RBFOX1: variants seen among roughly 807,000 people sequenced by gnomAD.
RBFOX1 encodes the protein RNA binding fox-1 homolog 1.
RBFOX1 carries 8 observed loss-of-function variants against 57.7 expected under a neutral mutation model. The ratio of observed to expected loss-of-function variants is 0.14; its 90% CI spans 0.08 to 0.25. RBFOX1 has a LOEUF of 0.25. RBFOX1 is among the 10% of genes least tolerant of loss of function. The pLI, the probability that RBFOX1 is intolerant of heterozygous loss-of-function variation, is 1.00. For missense variants in RBFOX1, 611 were observed against 548.5 expected, an observed-to-expected ratio of 1.11 and a Z score of -1.14; for synonymous variants, 326 against 222.4, an observed-to-expected ratio of 1.47 and a Z score of -4.15.
At chr16:6,933,661 C>T (rs533623352) in intron 3 of RBFOX1, among the ~76,000 whole-genome samples, 1 of 152,198 alleles carries the variant, frequency 6.6e-6, no homozygotes, top group African/African-American at 2.4e-5. Flanking sequence ...TGCAGTGAGT[C>T]AAGATCGTAT....
chr16:7,328,179 G>C (rs568683540), intron 4 of RBFOX1, among the ~76,000 whole-genome samples: 1 of 152,062 alleles, frequency 6.6e-6, no homozygotes, highest in African/African-American at 2.4e-5. Flanking sequence ...TATGTTAGCT[G>C]TTAAGATCTG....
intron 2 of RBFOX1, among the ~76,000 whole-genome samples, chr16:5,579,274 C>G (rs905265901): frequency 6.6e-6 from 1 of 152,126 alleles, no homozygotes; most frequent in Non-Finnish European, 1.5e-5. Context: ...TGCAGAAACC[C>G]TCCAGGCATT....
chr16:7,604,747 G>A (rs767810192), intron 9 of RBFOX1, among the ~76,000 whole-genome samples: 1 of 152,116 alleles, frequency 6.6e-6, no homozygotes, highest in Non-Finnish European at 1.5e-5. Flanking sequence ...GAGATCATTG[G>A]CAAATTTATA....
intron 1 of RBFOX1, among the ~76,000 whole-genome samples, chr16:6,162,824 C>T (rs1382993067): frequency 6.6e-6 from 1 of 152,096 alleles, no homozygotes; most frequent in Non-Finnish European, 1.5e-5. Context: ...GCCTCCACCT[C>T]CCAGGTTCAA....
chr16:7,348,800 G>C (rs147904926), intron 4 of RBFOX1, among the ~76,000 whole-genome samples: 1 of 152,134 alleles, frequency 6.6e-6, no homozygotes, highest in Non-Finnish European at 1.5e-5. Flanking sequence ...AAATTAGCCA[G>C]GGGTGGTGGC....
chr16:7,042,737 C>A (rs1047011799), intron 3 of RBFOX1, among the ~76,000 whole-genome samples: 1 of 152,188 alleles, frequency 6.6e-6, no homozygotes, highest in South Asian at 2.1e-4. Context: ...ACCAGCCTGG[C>A]CAACATGGCA....
chr16:5,951,221 G>A (rs775728571), intron 4 of RBFOX1, among the ~76,000 whole-genome samples: 8 of 152,140 alleles, frequency 5.3e-5, no homozygotes, highest in Non-Finnish European at 8.8e-5. Flanking sequence ...ACCGAGGCAG[G>A]CAGATCACTT....
intron 2 of RBFOX1, among the ~76,000 whole-genome samples, chr16:6,572,743 A>T (rs893192058): frequency 2.6e-5 from 4 of 151,996 alleles, no homozygotes; most frequent in Non-Finnish European, 5.9e-5. Flanking sequence ...CAGGTGTGAG[A>T]TATGCACCCA....
intron 3 of RBFOX1, among the ~76,000 whole-genome samples, chr16:7,032,966 A>C (rs1239638675): frequency 6.6e-6 from 1 of 152,176 alleles, no homozygotes; most frequent in Non-Finnish European, 1.5e-5. Context: ...AGACAGTGTG[A>C]GTCAGCAGGA....
At chr16:6,066,293 CAAAAA>C (rs372412356) in intron 1 of RBFOX1, among the ~76,000 whole-genome samples, 29 of 50,386 alleles carry the variant, frequency 5.8e-4, no homozygotes, top group African/African-American at 1.7e-3. Context: ...GACTCTGTCT[CAAAAA>C]AAAAAAAAAA....
intron 1 of RBFOX1, among the ~76,000 whole-genome samples, chr16:6,255,495 G>GT (rs2097655098): frequency 6.6e-6 from 1 of 152,096 alleles, no homozygotes; most frequent in Non-Finnish European, 1.5e-5. Flanking sequence ...TGCATGCATG[G>GT]TGATTTTGAC....
chr16:6,927,663 C>T (rs1004528128), intron 3 of RBFOX1, among the ~76,000 whole-genome samples: 1 of 152,064 alleles, frequency 6.6e-6, no homozygotes, highest in African/African-American at 2.4e-5. Context: ...GTGAGGATGT[C>T]AGCATCACCT....
At chr16:7,144,870 G>T (rs2152189085) in intron 4 of RBFOX1, among the ~76,000 whole-genome samples, 1 of 152,284 alleles carries the variant, frequency 6.6e-6, no homozygotes, top group East Asian at 1.9e-4. Context: ...GCAGTATTGG[G>T]TTTGTGTCTC....
At chr16:7,236,358 C>G (rs1362235475) in intron 4 of RBFOX1, among the ~76,000 whole-genome samples, 1 of 152,146 alleles carries the variant, frequency 6.6e-6, no homozygotes, top group Admixed American at 6.5e-5. Flanking sequence ...TAGAACATTT[C>G]TCCCCTTCCT....
chr16:7,451,519 A>C (rs2098857170), intron 4 of RBFOX1, among the ~76,000 whole-genome samples: 2 of 152,190 alleles, frequency 1.3e-5, no homozygotes, highest in South Asian at 4.2e-4. Flanking sequence ...TCAACTTATA[A>C]GCAGTGGTGG....
chr16:5,462,164 CTTTCTTTT>C (rs2068808492), intron 1 of RBFOX1, among the ~76,000 whole-genome samples: 1 of 101,076 alleles, frequency 9.9e-6, no homozygotes. Flanking sequence ...TTCTTTCTTT[CTTTCTTTT>C]TTTTTTTTTT....
At chr16:6,976,408 A>G (rs1400156962) in intron 3 of RBFOX1, among the ~76,000 whole-genome samples, 2 of 152,144 alleles carry the variant, frequency 1.3e-5, no homozygotes, top group Non-Finnish European at 2.9e-5. Context: ...TCCAGTTTCC[A>G]GAGGCGAGCA....
chr16:5,551,690 G>T (rs1389520749), intron 2 of RBFOX1, among the ~76,000 whole-genome samples: 2 of 152,000 alleles, frequency 1.3e-5, no homozygotes, highest in Non-Finnish European at 2.9e-5. Context: ...TGTTACAGAG[G>T]TATACATGTG....
chr16:6,070,558 A>G (rs536484372), intron 1 of RBFOX1, among the ~76,000 whole-genome samples: 3 of 152,334 alleles, frequency 2.0e-5, no homozygotes, highest in African/African-American at 7.2e-5. Context: ...CACAGAAAGT[A>G]ACACAGAATG....
Sources: gnomAD v4.1 joint callset for allele counts (sites outside exome capture counted in the v4.1 genomes callset) on GRCh38, gnomAD v4.1.1 for gene constraint, MANE v1.5 for transcripts, NCBI Gene and HGNC (gene_info 2026-07-23, HGNC 2026-07-21) for gene names.